Variants in SLC24A2 observed in about 807,000 individuals in gnomAD.
SLC24A2 encodes the protein solute carrier family 24 member 2.
Under a neutral mutation model 62.0 loss-of-function variants are expected in SLC24A2, and 36 were observed. The observed-to-expected ratio is 0.58, with a 90% CI of 0.44 to 0.77. The LOEUF (loss-of-function observed/expected upper bound fraction) is 0.77. Ranked by LOEUF, SLC24A2 falls within the 30% of genes least tolerant of loss-of-function variation. SLC24A2 has a pLI of 0.00. For missense variants in SLC24A2, 846 were observed against 817.9 expected (o/e 1.03, Z -0.42); for synonymous variants, 358 against 294.0 (o/e 1.22, Z -2.23).
chr9:19,845,059 T>C, the SLC24A2 span, among the ~76,000 whole-genome samples: 5 of 152,044 alleles, frequency 3.3e-5, no homozygotes, highest in Non-Finnish European at 7.4e-5. Flanking sequence ...AAAATGACAT[T>C]GGTACTTTGA....
intron 10 of SLC24A2, among the ~76,000 whole-genome samples, chr9:19,518,483 G>A (rs1215339732): frequency 6.7e-6 from 1 of 149,948 alleles, no homozygotes; most frequent in South Asian, 2.1e-4. Context: ...GTGCAGTGGC[G>A]TGATCTTGGT....
rs3220155 is a variant in SLC24A2, at chr9:19,615,994, GCACACACACACACACACA to G, written c.1078+3572_1078+3589del. The stretch of plus-strand genomic sequence containing the variant: ...AGGACATGACCACATTCACAGGCGT[GCACACACACACACACACA>G]CACACACACACACACACACACACAC... On this transcript the variant is annotated intron_variant, in intron 4 of 10. Coordinates refer to ENST00000341998, the MANE Select transcript of SLC24A2 (RefSeq NM_020344.4). Among the ~76,000 whole-genome samples, 87 of 140,904 alleles carry G rather than the reference GCACACACACACACACACA, an allele frequency of 6.2e-4. 3 individuals carry two copies. In the East Asian group the frequency reaches 0.014, roughly 23 times the overall value. 92.4% of individuals were successfully genotyped at this position (140,904 alleles called of 152,430 possible).
intron 8 of SLC24A2, among the ~76,000 whole-genome samples, chr9:19,543,690 C>G (rs1834399350): frequency 6.6e-6 from 1 of 152,084 alleles, no homozygotes; most frequent in African/African-American, 2.4e-5. Flanking sequence ...GTTTTTTACC[C>G]AGTAGTCATT....
chr9:19,885,558 G>A, the SLC24A2 span, among the ~76,000 whole-genome samples: 1 of 152,178 alleles, frequency 6.6e-6, no homozygotes, highest in Non-Finnish European at 1.5e-5. Flanking sequence ...TGTATGTGGT[G>A]TAGTGGTAAC....
chr9:20,101,718 T>C, the SLC24A2 span, among the ~76,000 whole-genome samples: 1 of 151,910 alleles, frequency 6.6e-6, no homozygotes, highest in African/African-American at 2.4e-5. Flanking sequence ...TGACTTCAAA[T>C]GGTATCAACT....
chr9:20,226,397 T>C, the SLC24A2 span, among the ~76,000 whole-genome samples: 1 of 152,266 alleles, frequency 6.6e-6, no homozygotes, highest in African/African-American at 2.4e-5. Flanking sequence ...GAGACCATAG[T>C]TGTCCATTAA....
the SLC24A2 span, among the ~76,000 whole-genome samples, chr9:19,932,886 CAG>C: frequency 6.6e-6 from 1 of 152,250 alleles, no homozygotes; most frequent in South Asian, 2.1e-4. Flanking sequence ...ATAATACTCT[CAG>C]ATTCCCCCGT....
the SLC24A2 span, among the ~76,000 whole-genome samples, chr9:20,032,026 C>T: frequency 0.22 from 34,139 of 152,066 alleles, 5,220 homozygotes; most frequent in East Asian, 0.62. Context: ...GTTTCAAGCT[C>T]GTGACTGCCC....
Position 19,599,861 on chromosome 9 carries a change from C to T in SLC24A2, c.1079-2582G>A, listed in dbSNP as rs1161757871. The stretch of plus-strand genomic sequence containing the variant: ...TTGCTGAGAGGACCCGGGAGGCGCT[C>T]ACCGGCATAGGAATGTGGCTTGCAA... On this transcript the variant is annotated intron_variant, in intron 4 of 10. Transcript: ENST00000341998. The surrounding 1 kb of genome is among the most constrained non-coding windows in gnomAD (Gnocchi z 4.5). Among the ~76,000 whole-genome samples, 1 of 152,116 alleles carries T rather than the reference C, an allele frequency of 6.6e-6. No individual in the cohort carries two copies. Among genetic ancestry groups the T allele is most frequent in the South Asian group, 2.1e-4 (1 of 4,824 alleles).
intron 2 of SLC24A2, among the ~76,000 whole-genome samples, chr9:19,711,421 C>T (rs1820712079): frequency 6.6e-6 from 1 of 152,106 alleles, no homozygotes; most frequent in Admixed American, 6.6e-5. Context: ...AAACCTGAAG[C>T]CACAAAATTT....
At chr9:19,749,434 G>C (rs777238368) in intron 2 of SLC24A2, among the ~76,000 whole-genome samples, 13 of 152,120 alleles carry the variant, frequency 8.5e-5, no homozygotes, top group Non-Finnish European at 1.8e-4. Context: ...ACAAAACTGA[G>C]TTTATTGCCT....
the SLC24A2 span, among the ~76,000 whole-genome samples, chr9:20,302,697 T>C: frequency 3.0e-4 from 45 of 152,260 alleles, no homozygotes; most frequent in Admixed American, 2.9e-3. Flanking sequence ...TTCTCTTGAC[T>C]ATGTCTTTCA....
intron 7 of SLC24A2, among the ~76,000 whole-genome samples, chr9:19,553,130 G>C (rs945641191): frequency 2.0e-5 from 3 of 152,178 alleles, no homozygotes; most frequent in African/African-American, 7.2e-5. Context: ...GCATACATTA[G>C]GTGAAATTAT....
the SLC24A2 span, among the ~76,000 whole-genome samples, chr9:19,949,847 C>A: frequency 6.6e-6 from 1 of 152,186 alleles, no homozygotes; most frequent in Admixed American, 6.5e-5. Flanking sequence ...ATGACACTAT[C>A]CCACAACCCT....
the SLC24A2 span, among the ~76,000 whole-genome samples, chr9:20,126,594 A>G: frequency 6.6e-6 from 1 of 152,276 alleles, no homozygotes; most frequent in African/African-American, 2.4e-5. Flanking sequence ...TTTTTCTTTC[A>G]TCCTTACCCC....
intron 8 of SLC24A2, among the ~76,000 whole-genome samples, chr9:19,549,229 G>A (rs1834727174): frequency 6.6e-6 from 1 of 152,210 alleles, no homozygotes; most frequent in African/African-American, 2.4e-5. Flanking sequence ...TAACCTTCCT[G>A]CTTCAGACCT....
At chr9:20,280,525 T>C in the SLC24A2 span, among the ~76,000 whole-genome samples, 9 of 152,284 alleles carry the variant, frequency 5.9e-5, no homozygotes, top group African/African-American at 2.2e-4. Context: ...TGTGCAAGAA[T>C]CAGTGGTGAC....
intron 2 of SLC24A2, among the ~76,000 whole-genome samples, chr9:19,665,803 A>G (rs922690447): frequency 6.6e-6 from 1 of 151,912 alleles, no homozygotes; most frequent in Admixed American, 6.6e-5. Flanking sequence ...GTGTATGTGT[A>G]TGTACATAGT....
rs1836778817 is a variant in SLC24A2, at chr9:19,599,085, A to C, written c.1079-1806T>G. Reference sequence around the variant, plus strand: ...TTTGTAGACGCAAACCTCTGTATGCACACACTTATTTTCACATATCAATCC... The same window carrying C: ...TTTGTAGACGCAAACCTCTGTATGCCCACACTTATTTTCACATATCAATCC... On this transcript the variant is annotated intron_variant, in intron 4 of 10. Transcript: ENST00000341998. The surrounding 1 kb of genome is among the most constrained non-coding windows in gnomAD (Gnocchi z 4.5). Among the ~76,000 whole-genome samples the C allele has an allele frequency of 6.6e-6, 1 of 152,254 alleles. No individual in the cohort carries two copies. Among genetic ancestry groups the C allele is most frequent in the South Asian group, 2.1e-4 (1 of 4,830 alleles).
Sources: allele counts gnomAD v4.1 joint callset (sites outside exome capture counted in the v4.1 genomes callset), GRCh38; gene constraint gnomAD v4.1.1; non-coding constraint Gnocchi (gnomAD v3.1); transcripts MANE v1.5; gene names NCBI Gene and HGNC (gene_info 2026-07-23, HGNC 2026-07-21).